RB1: variants seen among roughly 807,000 people sequenced by gnomAD.
RB1 encodes RB transcriptional corepressor 1, also known as retinoblastoma-associated protein.
A neutral mutation model predicts 135.4 loss-of-function variants in RB1; 18 were observed. That is an observed-to-expected ratio of 0.13 (90% confidence interval 0.09 to 0.20). The LOEUF (loss-of-function observed/expected upper bound fraction) is 0.20, where lower values mean the gene tolerates loss of function less well. RB1 is among the 10% of genes least tolerant of loss of function. The pLI, the probability that RB1 is intolerant of heterozygous loss-of-function variation, is 1.00. For missense variants in RB1, 868 were observed against 1,110.0 expected (o/e 0.78, Z 3.10); for synonymous variants, 365 against 373.2 (o/e 0.98, Z 0.25).
At chr13:48,318,018 A>G in intron 2 of RB1, 1 of 502,424 alleles carries the variant, frequency 2.0e-6, no homozygotes, top group Non-Finnish European at 3.8e-6. Flanking sequence ...CTGTCGTCAG[A>G]CAGGGAGCCG....
intron 11 of RB1, among the ~76,000 whole-genome samples, chr13:48,371,509 C>T (rs1952758390): frequency 6.6e-6 from 1 of 151,950 alleles, no homozygotes; most frequent in Non-Finnish European, 1.5e-5. Context: ...AGATCTGAAC[C>T]AACGATAGTG....
rs116871829 is a variant in RB1 at position 48,387,092 on chromosome 13, A to G, written c.1695+5649A>G. Among the ~76,000 whole-genome samples, 846 of 152,260 alleles carry G rather than the reference A, an allele frequency of 5.6e-3. 5 individuals carry two copies. The highest frequency in any genetic ancestry group is 0.01 in the Middle Eastern group (3 of 294). Reference sequence around the variant, plus strand: ...TCCTCCTCTTTCCATATGAGGCCAGATTTTTCTTTGTATACTTCAACCTAA... The same window carrying G: ...TCCTCCTCTTTCCATATGAGGCCAGGTTTTTCTTTGTATACTTCAACCTAA... On this transcript the variant is annotated intron_variant, in intron 17 of 26. Coordinates refer to ENST00000267163, the MANE Select transcript of RB1 (RefSeq NM_000321.3).
chr13:48,358,241 T>C (rs1355492261), intron 6 of RB1, among the ~76,000 whole-genome samples: 2 of 152,148 alleles, frequency 1.3e-5, no homozygotes, highest in African/African-American at 2.4e-5. Context: ...CTGATTTTTT[T>C]CCCCTTCTTA....
At chr13:48,336,834 C>T (rs971520662) in intron 2 of RB1, among the ~76,000 whole-genome samples, 2 of 152,022 alleles carry the variant, frequency 1.3e-5, no homozygotes, top group African/African-American at 4.8e-5. Flanking sequence ...TATAAATTTC[C>T]CTCTACACAC....
chr13:48,450,661 A>G (rs1049001850), intron 17 of RB1, among the ~76,000 whole-genome samples: 8 of 152,132 alleles, frequency 5.3e-5, no homozygotes, highest in Non-Finnish European at 5.9e-5. Flanking sequence ...TTTTGATTCC[A>G]TATGAATTTT....
chr13:48,457,055 C>T (rs1245364735), intron 19 of RB1, among the ~76,000 whole-genome samples: 5 of 152,170 alleles, frequency 3.3e-5, no homozygotes, highest in African/African-American at 1.2e-4. Flanking sequence ...TCAGCCTCGC[C>T]ATTTGGTGGG....
At chr13:48,377,134 A>C in intron 13 of RB1, 100 bp downstream of exon 13, 1 of 1,244,130 alleles carries the variant, frequency 8.0e-7, no homozygotes, top group Non-Finnish European at 1.2e-6. Flanking sequence ...TTTGTCTAGT[A>C]GTATAAAATA....
At chr13:48,383,017 T>TTATTTCTGAGGGCCC (rs1400056651) in intron 17 of RB1, among the ~76,000 whole-genome samples, 2 of 152,174 alleles carry the variant, frequency 1.3e-5, no homozygotes. Flanking sequence ...ATGTGTGGTA[T>TTATTTCTGAGGGCCC]TATTTCTGAG....
chr13:48,414,468 C>A (rs530512649), intron 17 of RB1, among the ~76,000 whole-genome samples: 46 of 151,748 alleles, frequency 3.0e-4, no homozygotes, highest in Non-Finnish European at 4.9e-4. Flanking sequence ...ATCACAACCT[C>A]TATGGCACAT....
intron 17 of RB1, among the ~76,000 whole-genome samples, chr13:48,407,664 T>G (rs1227369403): frequency 6.6e-6 from 1 of 152,224 alleles, no homozygotes; most frequent in Non-Finnish European, 1.5e-5. Context: ...TGTTCTACAT[T>G]CTTAAGTTTG....
At chr13:48,397,387 C>A (rs1948656949) in intron 17 of RB1, among the ~76,000 whole-genome samples, 1 of 151,936 alleles carries the variant, frequency 6.6e-6, no homozygotes, top group African/African-American at 2.4e-5. Context: ...AGCAAACTAA[C>A]CAGGAAGAGA....
intron 7 of RB1, among the ~76,000 whole-genome samples, chr13:48,362,244 C>G (rs1375322487): frequency 6.6e-5 from 10 of 152,024 alleles, no homozygotes; most frequent in African/African-American, 9.7e-5. Flanking sequence ...CCACACCCAG[C>G]CATCTGTAAT....
At chr13:48,373,573 T>C (rs1593451962) in intron 12 of RB1, 81 bp downstream of exon 12, 1 of 861,820 alleles carries the variant, frequency 1.2e-6, no homozygotes, top group East Asian at 2.5e-5. Flanking sequence ...CTGAGTTCTT[T>C]TTAAAATACT....
chr13:48,303,779 G>C lies in RB1; in HGVS notation c.-134G>C. ...TGCCGGGCGGGGGAGGGCGCGTCCG[G>C]TTTTTCTCAGGGGACGTTGAAATTA... On this transcript the variant is annotated 5_prime_UTR_variant, in exon 1 of 27. Transcript: ENST00000267163. 1.5e-6 allele frequency: 2 copies of C among 1,370,418 alleles called. No individual in the cohort carries two copies. Among genetic ancestry groups the C allele is most frequent in the Admixed American group, 5.5e-5 (2 of 36,430 alleles). 84.9% of individuals were successfully genotyped at this position (1,370,418 alleles called of 1,614,324 possible).
At chr13:48,305,578 C>G (rs1048987951) in intron 1 of RB1, among the ~76,000 whole-genome samples, 8 of 151,952 alleles carry the variant, frequency 5.3e-5, no homozygotes, top group African/African-American at 1.9e-4. Flanking sequence ...GTGGCCACTG[C>G]TTGGAAAAAA....
At chr13:48,405,441 A>G (rs1441049133) in intron 17 of RB1, among the ~76,000 whole-genome samples, 1 of 152,176 alleles carries the variant, frequency 6.6e-6, no homozygotes, top group Non-Finnish European at 1.5e-5. Flanking sequence ...AAAATAAATG[A>G]AGTTCTAGGG....
chr13:48,305,765 A>G (rs1363135343), intron 1 of RB1, among the ~76,000 whole-genome samples: 2 of 152,264 alleles, frequency 1.3e-5, no homozygotes, highest in African/African-American at 2.4e-5. Flanking sequence ...GCAAGGGTAG[A>G]ACCGCTGCCG....
chr13:48,379,957 TAAAAAAAAAA>T (rs35427721), intron 14 of RB1, 86 bp from the exon 15 acceptor site: 4 of 369,282 alleles, frequency 1.1e-5, no homozygotes, highest in South Asian at 6.2e-5. Flanking sequence ...AGACACCATC[TAAAAAAAAAA>T]AAAAAAAAAA....
intron 17 of RB1, among the ~76,000 whole-genome samples, chr13:48,389,127 C>T (rs924563541): frequency 6.6e-6 from 1 of 151,328 alleles, no homozygotes; most frequent in Non-Finnish European, 1.5e-5. Flanking sequence ...CCACTGCACT[C>T]CAGCCTCAGT....
Sources: gnomAD v4.1 joint callset for allele counts (sites outside exome capture counted in the v4.1 genomes callset) on GRCh38, gnomAD v4.1.1 for gene constraint, MANE v1.5 for transcripts, NCBI Gene and HGNC (gene_info 2026-07-23, HGNC 2026-07-21) for gene names.